Variants in ELMO1 observed in about 807,000 individuals in gnomAD.
ELMO1 encodes engulfment and cell motility 1, also known as engulfment and cell motility protein 1.
Under a neutral mutation model 98.9 loss-of-function variants are expected in ELMO1, and 26 were observed. The ratio of observed to expected loss-of-function variants is 0.26; its 90% CI spans 0.19 to 0.36. ELMO1 has a LOEUF of 0.36. Ranked by LOEUF, ELMO1 falls within the 10% of genes least tolerant of loss-of-function variation. ELMO1 has a pLI of 1.00. For synonymous variants in ELMO1, 346 were observed against 346.0 expected, an observed-to-expected ratio of 1.00 and a Z score of 0.00; for missense variants, 627 against 935.2, an observed-to-expected ratio of 0.67 and a Z score of 4.30.
intron 1 of ELMO1, among the ~76,000 whole-genome samples, chr7:37,416,152 C>T (rs1336787280): frequency 1.3e-5 from 2 of 152,098 alleles, no homozygotes; most frequent in African/African-American, 2.4e-5. Flanking sequence ...CTAAGCTTTA[C>T]TTAGGCTTTC....
intron 1 of ELMO1, among the ~76,000 whole-genome samples, chr7:37,396,320 A>G (rs1297339724): frequency 1.3e-5 from 2 of 152,070 alleles, no homozygotes; most frequent in African/African-American, 2.4e-5. Flanking sequence ...GGAGGCCAAG[A>G]TGGGAGGATT....
At chr7:37,102,090 T>C (rs903399409) in intron 14 of ELMO1, among the ~76,000 whole-genome samples, 2 of 152,176 alleles carry the variant, frequency 1.3e-5, no homozygotes, top group Non-Finnish European at 2.9e-5. Context: ...TTAGGAATAG[T>C]ATCAGGCAAC....
intron 1 of ELMO1, among the ~76,000 whole-genome samples, chr7:37,402,550 A>G (rs1361204299): frequency 6.6e-6 from 1 of 152,204 alleles, no homozygotes; most frequent in Non-Finnish European, 1.5e-5. Context: ...AAGTATGAGC[A>G]GAAGACAGAA....
chr7:37,187,263 C>A (rs1166994030), intron 13 of ELMO1, among the ~76,000 whole-genome samples: 1 of 152,124 alleles, frequency 6.6e-6, no homozygotes, highest in African/African-American at 2.4e-5. Context: ...ATAGACAAAT[C>A]TATAGACAAC....
intron 15 of ELMO1, among the ~76,000 whole-genome samples, chr7:37,088,688 G>A (rs978719948): frequency 1.3e-5 from 2 of 152,152 alleles, no homozygotes; most frequent in African/African-American, 4.8e-5. Flanking sequence ...GATCCTGAAT[G>A]CAAGAATTTT....
intron 1 of ELMO1, among the ~76,000 whole-genome samples, chr7:37,388,050 C>T (rs1033946207): frequency 1.3e-5 from 2 of 152,034 alleles, no homozygotes; most frequent in Non-Finnish European, 2.9e-5. Flanking sequence ...CCTGCCCAAG[C>T]TGGTCTCTAA....
At chr7:37,087,927 C>T (rs1287688791) in intron 15 of ELMO1, among the ~76,000 whole-genome samples, 2 of 152,092 alleles carry the variant, frequency 1.3e-5, no homozygotes, top group African/African-American at 4.8e-5. Flanking sequence ...TAATGCCCTC[C>T]CACAGTGAAG....
chr7:37,089,769 A>G (rs1042973553), intron 15 of ELMO1, among the ~76,000 whole-genome samples: 2 of 152,238 alleles, frequency 1.3e-5, no homozygotes, highest in African/African-American at 2.4e-5. Flanking sequence ...AAAAGACTGT[A>G]AAGAGACAGA....
intron 16 of ELMO1, among the ~76,000 whole-genome samples, chr7:36,958,714 G>C (rs1788675056): frequency 1.3e-5 from 2 of 152,158 alleles, no homozygotes; most frequent in South Asian, 4.2e-4. Flanking sequence ...CGCCACACTT[G>C]TTGTTTGCAT....
At chr7:36,878,351 T>C (rs1804140171) in intron 18 of ELMO1, among the ~76,000 whole-genome samples, 1 of 152,158 alleles carries the variant, frequency 6.6e-6, no homozygotes, top group Admixed American at 6.5e-5. Context: ...GTCATTGAAC[T>C]CTTCAAGCTC....
intron 1 of ELMO1, among the ~76,000 whole-genome samples, chr7:37,421,538 G>A (rs1238018325): frequency 6.6e-6 from 1 of 152,168 alleles, no homozygotes; most frequent in Non-Finnish European, 1.5e-5. Context: ...TCCCTGTGAG[G>A]ATAGTCCTCA....
intron 13 of ELMO1, among the ~76,000 whole-genome samples, chr7:37,159,768 G>C (rs956581063): frequency 6.6e-6 from 1 of 152,106 alleles, no homozygotes; most frequent in Non-Finnish European, 1.5e-5. Flanking sequence ...AGAAAGGGAG[G>C]AAGAGAGGAC....
At chr7:36,913,682 C>A in intron 16 of ELMO1, among the ~76,000 whole-genome samples, 2 of 152,296 alleles carry the variant, frequency 1.3e-5, no homozygotes, top group Middle Eastern at 6.8e-3. Flanking sequence ...GTTTGTGAAA[C>A]AGGCAAACCA....
intron 1 of ELMO1, among the ~76,000 whole-genome samples, chr7:37,398,207 A>G (rs534228901): frequency 1.3e-5 from 2 of 152,186 alleles, no homozygotes; most frequent in African/African-American, 4.8e-5. Flanking sequence ...TACACATTTC[A>G]TTATGACTGT....
chr7:37,271,567 A>G (rs2130856375), intron 5 of ELMO1: 1 of 411,406 alleles, frequency 2.4e-6, no homozygotes, highest in Non-Finnish European at 4.3e-6. Flanking sequence ...ATGTTTTGAG[A>G]AAGTTTACGA....
At chr7:37,139,509 G>C (rs945499732) in intron 13 of ELMO1, among the ~76,000 whole-genome samples, 3 of 152,174 alleles carry the variant, frequency 2.0e-5, no homozygotes, top group Middle Eastern at 3.4e-3. Context: ...TACCTAACCA[G>C]GGAGGTGAAA....
rs534860191 is a variant in ELMO1 at position 37,100,022 on chromosome 7, C to T, written c.1192-3295G>A. On this transcript the variant is annotated intron_variant, in intron 14 of 21. Transcript: ENST00000310758. ...CTAATTTTTGTATTTTTAGTAGAGA[C>T]GGGGTTTCACCATGTTGGCCGAGCT... 3.3e-4 allele frequency among the ~76,000 whole-genome samples: 50 copies of T among 152,046 alleles called. 1 individual carries two copies. In the South Asian group the frequency reaches 7.9e-3, roughly 24 times the overall value.
Position 37,342,609 on chromosome 7 carries a change from T to A in ELMO1, c.78+4A>T. The A allele has an allele frequency of 2.5e-6, 4 of 1,614,014 alleles. No individual in the cohort carries two copies. The highest frequency in any genetic ancestry group is 3.4e-6 in the Non-Finnish European group (4 of 1,179,910). The stretch of plus-strand genomic sequence containing the variant: ...TAGACACCCAATGCTGTCACGTTAC[T>A]AACCTGATCAATTTCCATGAGTTTG... On this transcript the variant is annotated splice_donor_region_variant and intron_variant, in intron 2 of 21. Coordinates refer to ENST00000310758, the MANE Select transcript of ELMO1 (RefSeq NM_014800.11). The surrounding 1 kb of genome is among the most constrained non-coding windows in gnomAD (Gnocchi z 4.3).
chr7:37,040,300 G>C (rs1316080759), intron 15 of ELMO1, among the ~76,000 whole-genome samples: 2 of 152,128 alleles, frequency 1.3e-5, no homozygotes, highest in Non-Finnish European at 2.9e-5. Context: ...TCATTTTCCT[G>C]ATTACCCCCA....
Sources: allele counts gnomAD v4.1 joint callset (sites outside exome capture counted in the v4.1 genomes callset), GRCh38; gene constraint gnomAD v4.1.1; non-coding constraint Gnocchi (gnomAD v3.1); transcripts MANE v1.5; gene names NCBI Gene and HGNC (gene_info 2026-07-23, HGNC 2026-07-21).